SPATA18: variants seen among roughly 807,000 people sequenced by gnomAD.
The protein encoded by SPATA18 is spermatogenesis associated 18, also known as mitochondria-eating protein.
In SPATA18, 54 loss-of-function variants were observed where a neutral mutation model predicts 68.1. The observed-to-expected ratio is 0.79, with a 90% confidence interval of 0.64 to 0.99. The LOEUF is 0.99. SPATA18 is among the 50% of genes least tolerant of loss of function. The pLI is 0.00. For missense variants in SPATA18, 724 were observed against 681.1 expected, an observed-to-expected ratio of 1.06 and a Z score of -0.70; for synonymous variants, 242 against 244.8, an observed-to-expected ratio of 0.99 and a Z score of 0.11.
At chr4:52,062,024 T>C (rs1166526775) in intron 3 of SPATA18, among the ~76,000 whole-genome samples, 196 bp from the exon 4 acceptor site, 1 of 152,216 alleles carries the variant, frequency 6.6e-6, no homozygotes, top group Non-Finnish European at 1.5e-5. Flanking sequence ...CTCTAGAGCA[T>C]TTCTTGCACC....
chr4:52,094,073 C>T (rs1742214619), intron 11 of SPATA18, among the ~76,000 whole-genome samples: 1 of 152,144 alleles, frequency 6.6e-6, no homozygotes, highest in African/African-American at 2.4e-5. Flanking sequence ...CCGGCTATGT[C>T]ACTGACTTGT....
chr4:52,076,761 A>T lies in SPATA18; in HGVS notation c.759-18A>T. ...GCAAATCAAAGGATTTCCCTGGCTG[A>T]TTCTCGCTCACCAACAGGTCCTCCA... is the stretch of plus-strand genomic sequence containing the variant. On this transcript the variant is annotated intron_variant, in intron 6 of 12. Transcript: ENST00000295213. 6.2e-7 allele frequency: 1 copy of T among 1,609,106 alleles called. No individual in the cohort carries two copies.
At chr4:52,087,732 A>G (rs1741561006) in intron 11 of SPATA18, among the ~76,000 whole-genome samples, 1 of 152,096 alleles carries the variant, frequency 6.6e-6, no homozygotes, top group Non-Finnish European at 1.5e-5. Flanking sequence ...CTTCTTGCCC[A>G]GGATTGTCTT....
At chr4:52,062,688 G>T (rs1054945303) in intron 4 of SPATA18, among the ~76,000 whole-genome samples, 1 of 151,916 alleles carries the variant, frequency 6.6e-6, no homozygotes, top group Non-Finnish European at 1.5e-5. Context: ...TTTTTAAAAA[G>T]ATGTGAAAGG....
At chr4:52,071,113 A>G (rs1271598327) in intron 5 of SPATA18, among the ~76,000 whole-genome samples, 1 of 152,158 alleles carries the variant, frequency 6.6e-6, no homozygotes, top group African/African-American at 2.4e-5. Flanking sequence ...TATAGCACCA[A>G]TTCTGTTCTT....
chr4:52,086,512 G>A (rs1349584304), intron 11 of SPATA18, among the ~76,000 whole-genome samples: 1 of 152,124 alleles, frequency 6.6e-6, no homozygotes, highest in African/African-American at 2.4e-5. Flanking sequence ...GAGAACATGT[G>A]GTGTTTGGTT....
chr4:52,057,033 A>G (rs1738407058), intron 1 of SPATA18, among the ~76,000 whole-genome samples: 1 of 151,672 alleles, frequency 6.6e-6, no homozygotes, highest in African/African-American at 2.4e-5. Flanking sequence ...TACCCTTCAC[A>G]CCTCACCAGA....
Position 52,077,036 on chromosome 4 carries a change from C to T in SPATA18, c.1016C>T (p.Thr339Ile). ...ETVQRIIYIA[T>I]VEAFHVAKMA... Reference sequence around the variant, plus strand: ...GTTCAGCGGATCATCTACATCGCCACAGTGGTATGTGACGCCTGCGGGACT... The same window carrying T: ...GTTCAGCGGATCATCTACATCGCCATAGTGGTATGTGACGCCTGCGGGACT... The change falls in exon 7 of 13, where the codon ACA becomes ATA. Residue 339 changes from threonine (T) to isoleucine (I), a missense_variant. Transcript: ENST00000295213. 1 of 1,601,070 alleles carries T rather than the reference C, an allele frequency of 6.2e-7. No homozygotes were observed.
At chr4:52,076,046 CT>C (rs1740310569) in intron 6 of SPATA18, among the ~76,000 whole-genome samples, 1 of 152,220 alleles carries the variant, frequency 6.6e-6, no homozygotes, top group South Asian at 2.1e-4. Context: ...ACTTGGATTG[CT>C]CCTAAATCTC....
chr4:52,055,058 A>G (rs1738219977), intron 1 of SPATA18, among the ~76,000 whole-genome samples: 1 of 152,114 alleles, frequency 6.6e-6, no homozygotes, highest in South Asian at 2.1e-4. Context: ...CTGTAACAGA[A>G]CTAGCAGTAT....
Position 52,089,936 on chromosome 4 carries a change from C to CA in SPATA18, c.1564-4591_1564-4590insA, listed in dbSNP as rs1741790274. On this transcript the variant is annotated intron_variant, in intron 11 of 12. Transcript: ENST00000295213. ...GGAGTATAAGTCTCTTTGTAGGTCT[C>CA]TAAGAATTTGCTTTATGAATCTGGG... 5.8e-4 allele frequency among the ~76,000 whole-genome samples: 88 copies of CA among 152,160 alleles called. 2 individuals carry two copies. Among genetic ancestry groups the CA allele is most frequent in the Admixed American group, 5.8e-3 (88 of 15,272 alleles).
chr4:52,071,835 C>A, intron 5 of SPATA18, 82 bp from the exon 6 acceptor site: 2 of 1,384,656 alleles, frequency 1.4e-6, no homozygotes, highest in East Asian at 2.5e-5. Context: ...ATGCCAATTG[C>A]TGCTTATTAC....
At chr4:52,065,884 G>A (rs1016403392) in intron 4 of SPATA18, among the ~76,000 whole-genome samples, 4 of 152,160 alleles carry the variant, frequency 2.6e-5, no homozygotes, top group African/African-American at 9.7e-5. Flanking sequence ...TTTTATGCCT[G>A]GATTCTGGTT....
intron 6 of SPATA18, among the ~76,000 whole-genome samples, chr4:52,074,467 T>G (rs1740145150): frequency 6.6e-6 from 1 of 152,130 alleles, no homozygotes; most frequent in South Asian, 2.1e-4. Context: ...AGCGGTGGTG[T>G]TCAAAACCAG....
intron 4 of SPATA18, among the ~76,000 whole-genome samples, chr4:52,068,870 A>AT (rs200279551): frequency 0.01 from 1,537 of 147,850 alleles, 36 homozygotes; most frequent in Admixed American, 0.051. Context: ...TCTCACTTCC[A>AT]TTTTTTTTTT....
At chr4:52,060,610 G>A (rs1738750085) in intron 2 of SPATA18, 86 bp downstream of exon 2, 2 of 1,374,464 alleles carry the variant, frequency 1.5e-6, no homozygotes, top group Non-Finnish European at 1.0e-6. Flanking sequence ...GACTGTTGGT[G>A]TGGTTGGGTT....
At chr4:52,092,708 C>A (rs1223525274) in intron 11 of SPATA18, among the ~76,000 whole-genome samples, 1 of 152,182 alleles carries the variant, frequency 6.6e-6, no homozygotes, top group African/African-American at 2.4e-5. Context: ...TATTGTGACT[C>A]CTGCATGCTC....
intron 10 of SPATA18, among the ~76,000 whole-genome samples, chr4:52,084,519 T>C (rs924304512): frequency 6.6e-6 from 1 of 152,192 alleles, no homozygotes; most frequent in Admixed American, 6.5e-5. Flanking sequence ...TCAATAGTTA[T>C]TTATGACCCA....
chr4:52,080,980 T>C (rs1578188850), intron 9 of SPATA18, among the ~76,000 whole-genome samples: 1 of 152,244 alleles, frequency 6.6e-6, no homozygotes, highest in East Asian at 1.9e-4. Context: ...AATTGCCTTA[T>C]AGCATGTAAT....
Sources: gnomAD v4.1 joint callset for allele counts (sites outside exome capture counted in the v4.1 genomes callset) on GRCh38, gnomAD v4.1.1 for gene constraint, MANE v1.5 for transcripts, NCBI Gene and HGNC (gene_info 2026-07-23, HGNC 2026-07-21) for gene names.